The following BCL11A variants were observed in gnomAD, a reference collection of about 807,000 sequenced individuals.
The protein encoded by BCL11A is B cell CLL/lymphoma 11A.
In BCL11A, 2 loss-of-function variants were observed where a neutral mutation model predicts 55.9. The ratio of observed to expected loss-of-function variants is 0.04; its 90% CI spans 0.01 to 0.11. BCL11A has a LOEUF of 0.11. Among genes scored for constraint, BCL11A ranks in the 10% least tolerant of loss-of-function variants. The pLI, the probability that BCL11A is intolerant of heterozygous loss-of-function variation, is 1.00. For synonymous variants in BCL11A, 465 were observed against 473.4 expected (o/e 0.98, Z 0.23); for missense variants, 817 against 1,137.1 (o/e 0.72, Z 4.05).
chr2:60,459,811 A>G lies in BCL11A; in HGVS notation c.*593T>C. ...AGAGACAGACATTTAGCTCATAGAG[A>G]TTTTTTTTCAGTGCTATCTATTCTG... On this transcript the variant is annotated 3_prime_UTR_variant, in exon 4 of 4. Coordinates refer to ENST00000642384, the MANE Select transcript of BCL11A (RefSeq NM_022893.4). 1 of 1,043,044 alleles carries G rather than the reference A, an allele frequency of 9.6e-7. No homozygotes were observed. The highest frequency in any genetic ancestry group is 5.8e-5 in the East Asian group (1 of 17,280). The allele number at this position is 1,043,044 out of a possible 1,614,324, so 64.6% of individuals were successfully genotyped here.
chr2:60,466,446 CCTT>C (rs1676616800), intron 3 of BCL11A, among the ~76,000 whole-genome samples: 1 of 152,174 alleles, frequency 6.6e-6, no homozygotes, highest in Non-Finnish European at 1.5e-5. Flanking sequence ...ACCTCCTAAA[CCTT>C]CTGCAATCTG....
chr2:60,456,582 T>C (rs1675943537), downstream of BCL11A, among the ~76,000 whole-genome samples: 1 of 152,182 alleles, frequency 6.6e-6, no homozygotes. Context: ...GCTACACCCC[T>C]AGTGGCTGCT....
At chr2:60,492,469 T>G (rs1021214700) in intron 2 of BCL11A, among the ~76,000 whole-genome samples, 1 of 152,214 alleles carries the variant, frequency 6.6e-6, no homozygotes, top group African/African-American at 2.4e-5. Flanking sequence ...CTCCCTCCCC[T>G]TTTTACTTTT....
intron 2 of BCL11A, among the ~76,000 whole-genome samples, chr2:60,514,160 G>A (rs1165707224): frequency 6.6e-6 from 1 of 152,074 alleles, no homozygotes; most frequent in Non-Finnish European, 1.5e-5. Context: ...CTTCCAGGCT[G>A]GAGCTCTGAG....
At position 60,458,645 on chromosome 2, in the gene BCL11A, G is replaced by C. The variant is rs1012129963; in HGVS notation, c.*1759C>G. ...TTAAAAAATGCTCCTCAATGAGATTGTGTTCAATTTTTTTTCAGCATTCTT... is the reference window on the plus strand; with the variant it reads ...TTAAAAAATGCTCCTCAATGAGATTCTGTTCAATTTTTTTTCAGCATTCTT... On this transcript the variant is annotated 3_prime_UTR_variant, in exon 4 of 4. Coordinates refer to ENST00000642384, the MANE Select transcript of BCL11A (RefSeq NM_022893.4). The C allele has an allele frequency of 9.7e-7, 1 of 1,029,996 alleles. No individual in the cohort carries two copies. The allele number at this position is 1,029,996 out of a possible 1,614,324, so 63.8% of individuals were successfully genotyped here. A position where few individuals can be genotyped will look rare whatever the true frequency, so the allele number is the denominator to read the frequency against.
chr2:60,452,599 T>C (rs867405159), downstream of BCL11A: 7 of 1,613,698 alleles, frequency 4.3e-6, no homozygotes, highest in African/African-American at 9.4e-5. Context: ...CTCTCGAGCT[T>C]CCATCCGAAA....
chr2:60,477,962 T>A (rs66808336), intron 2 of BCL11A, among the ~76,000 whole-genome samples: 27,005 of 151,318 alleles, frequency 0.18, 2,942 homozygotes, highest in Non-Finnish European at 0.25. Context: ...GGAAAGCTTT[T>A]TTTTTTTTTT....
At chr2:60,455,010 T>A (rs1675877255), downstream of BCL11A, among the ~76,000 whole-genome samples, 1 of 152,194 alleles carries the variant, frequency 6.6e-6, no homozygotes, top group African/African-American at 2.4e-5. Flanking sequence ...ACCTTTGTAA[T>A]GTGTTGGTTC....
At position 60,459,775 on chromosome 2, in the gene BCL11A, T is replaced by C; in HGVS notation, c.*629A>G. 2 of 1,041,942 alleles carry C rather than the reference T, an allele frequency of 1.9e-6. No individual in the cohort carries two copies. Among genetic ancestry groups the C allele is most frequent in the Non-Finnish European group, 2.3e-6 (2 of 864,392 alleles). The allele number at this position is 1,041,942 out of a possible 1,614,324, so 64.5% of individuals were successfully genotyped here. A position where few individuals can be genotyped will look rare whatever the true frequency, so the allele number is the denominator to read the frequency against. On this transcript the variant is annotated 3_prime_UTR_variant, in exon 4 of 4. Coordinates refer to ENST00000642384, the MANE Select transcript of BCL11A (RefSeq NM_022893.4). ...TTTTTCTTCCTTTCCAATTGATACA[T>C]TTAACCCTTTAGAGACAGACATTTA...
At chr2:60,539,179 A>G (rs1296673870) in intron 2 of BCL11A, among the ~76,000 whole-genome samples, 1 of 152,224 alleles carries the variant, frequency 6.6e-6, no homozygotes, top group Non-Finnish European at 1.5e-5. Context: ...TGCTGTGTAC[A>G]GCTTTATTAT....
At chr2:60,543,156 C>A (rs1444180832) in intron 2 of BCL11A, 1 of 151,744 alleles carries the variant, frequency 6.6e-6, no homozygotes, top group African/African-American at 2.4e-5. Flanking sequence ...GAATTCTAAG[C>A]TTTATTTATC....
Position 60,553,280 on chromosome 2 carries a change from C to T in BCL11A, c.-10G>A. 1.9e-6 allele frequency: 3 copies of T among 1,570,388 alleles called. No individual in the cohort carries two copies. The highest frequency in any genetic ancestry group is 1.7e-6 in the Non-Finnish European group (2 of 1,165,692). On this transcript the variant is annotated 5_prime_UTR_variant, in exon 1 of 4. Transcript: ENST00000642384. ...GCTTGCGGCGAGACATGGTGGGCTG[C>T]GGGGCGGGCGGCGGCGGCGGCGGCG...
At chr2:60,523,898 A>C (rs137866865) in intron 2 of BCL11A, among the ~76,000 whole-genome samples, 2,329 of 152,346 alleles carry the variant, frequency 0.015, 61 homozygotes, top group African/African-American at 0.052. Context: ...AATTTATTTA[A>C]GCCAAATAGG....
intron 2 of BCL11A, among the ~76,000 whole-genome samples, chr2:60,516,046 T>C (rs943566592): frequency 1.3e-5 from 2 of 152,206 alleles, no homozygotes; most frequent in African/African-American, 4.8e-5. Flanking sequence ...TATGTCTTCA[T>C]TGAACTGGGT....
At chr2:60,470,914 C>T (rs1437429264) in intron 2 of BCL11A, among the ~76,000 whole-genome samples, 1 of 152,152 alleles carries the variant, frequency 6.6e-6, no homozygotes, top group Non-Finnish European at 1.5e-5. Flanking sequence ...AAGTGACTTG[C>T]CCATGGCTAC....
intron 2 of BCL11A, among the ~76,000 whole-genome samples, chr2:60,494,466 T>C (rs937156911): frequency 1.3e-5 from 2 of 152,020 alleles, no homozygotes; most frequent in South Asian, 2.1e-4. Flanking sequence ...GAGAGAAGAG[T>C]GGAAACGGCC....
At chr2:60,466,390 C>A (rs542674269) in intron 3 of BCL11A, among the ~76,000 whole-genome samples, 1 of 152,246 alleles carries the variant, frequency 6.6e-6, no homozygotes, top group South Asian at 2.1e-4. Flanking sequence ...AACAGGAGAG[C>A]TCTCCCCACC....
chr2:60,508,836 G>A, intron 2 of BCL11A: 1 of 152,446 alleles, frequency 6.6e-6, no homozygotes, highest in Non-Finnish European at 1.5e-5. Flanking sequence ...TATGATTCCA[G>A]AAGAGTTTGT....
chr2:60,546,326 A>C lies in BCL11A; in HGVS notation c.56-26T>G. ...CTGTGGTTGGAGAAACAAAAGCACA[A>C]TTATTAGAGTGCCAGAGAGGACAGA... On this transcript the variant is annotated intron_variant, in intron 1 of 3. Coordinates refer to ENST00000642384, the MANE Select transcript of BCL11A (RefSeq NM_022893.4). The surrounding 1 kb of genome is among the most constrained non-coding windows in gnomAD (Gnocchi z 4.1). 1 of 1,596,046 alleles carries C rather than the reference A, an allele frequency of 6.3e-7. No individual in the cohort carries two copies. Among genetic ancestry groups the C allele is most frequent in the Non-Finnish European group, 8.6e-7 (1 of 1,166,544 alleles).
Sources: allele counts gnomAD v4.1 joint callset (sites outside exome capture counted in the v4.1 genomes callset), GRCh38; gene constraint gnomAD v4.1.1; non-coding constraint Gnocchi (gnomAD v3.1); transcripts MANE v1.5; gene names NCBI Gene and HGNC (gene_info 2026-07-23, HGNC 2026-07-21).